The following CCDC7 variants were observed in gnomAD, a reference collection of about 807,000 sequenced individuals.
CCDC7 encodes the protein coiled-coil domain-containing protein 7.
In CCDC7, 183 loss-of-function variants were observed where a neutral mutation model predicts 196.9. That is an observed-to-expected ratio of 0.93 (90% CI 0.82 to 1.05). The LOEUF is 1.05. Among genes scored for constraint, CCDC7 ranks in the 50% least tolerant of loss-of-function variants. The probability of loss-of-function intolerance (pLI) is 0.00; values close to 1 mark genes in which losing one functional copy is unlikely to be tolerated. For synonymous variants in CCDC7, 525 were observed against 484.6 expected, an observed-to-expected ratio of 1.08 and a Z score of -1.10; for missense variants, 1,540 against 1,482.2, an observed-to-expected ratio of 1.04 and a Z score of -0.64.
chr10:32,461,737 A>ATGTG (rs1276818197), intron 3 of CCDC7, among the ~76,000 whole-genome samples: 4 of 69,488 alleles, frequency 5.8e-5, no homozygotes, highest in African/African-American at 2.4e-4. Context: ...ATATGTATAT[A>ATGTG]TATATATATA....
At position 32,472,488 on chromosome 10, in the gene CCDC7, GA is replaced by G; in HGVS notation, c.689del (p.Asn230IlefsTer6). The G allele has an allele frequency of 6.3e-7, 1 of 1,582,434 alleles. No individual in the cohort carries two copies. ...TTTATCGAACTTTAACAGGGATAAA[GA>G]AAATCGACCAGAAGCAGTGAAAAGT... is the stretch of plus-strand genomic sequence containing the variant. On this transcript the variant is annotated frameshift_variant, in exon 7 of 42. Transcript: ENST00000639629. LOFTEE classifies it high-confidence loss of function.
At chr10:32,593,165 AC>A (rs1239115835) in intron 18 of CCDC7, among the ~76,000 whole-genome samples, 1 of 152,216 alleles carries the variant, frequency 6.6e-6, no homozygotes, top group African/African-American at 2.4e-5. Context: ...AGTCCCACCA[AC>A]AGTGTAAAAG....
At chr10:32,547,608 A>T (rs1234496224) in intron 13 of CCDC7, among the ~76,000 whole-genome samples, 1 of 152,048 alleles carries the variant, frequency 6.6e-6, no homozygotes, top group African/African-American at 2.4e-5. Flanking sequence ...ATTTATTTTT[A>T]TTTCTGTGGG....
At chr10:32,471,446 G>A (rs1170565230) in intron 6 of CCDC7, among the ~76,000 whole-genome samples, 1 of 152,120 alleles carries the variant, frequency 6.6e-6, no homozygotes, top group Non-Finnish European at 1.5e-5. Flanking sequence ...ATTCAATGTA[G>A]AAAATCAGTT....
rs541051346 is a variant in CCDC7, at chr10:32,543,249, A to G, written c.994-51A>G. ...AATGTATATTATCATATCTTTCTATAACTTATTGTGTTTTTAACCCTTTAT... is the reference window on the plus strand; with the variant it reads ...AATGTATATTATCATATCTTTCTATGACTTATTGTGTTTTTAACCCTTTAT... On this transcript the variant is annotated intron_variant, in intron 11 of 41. Coordinates refer to ENST00000639629, the Ensembl canonical transcript of CCDC7. 1.7e-4 allele frequency: 215 copies of G among 1,295,828 alleles called. No homozygotes were observed. In the South Asian group the frequency reaches 2.7e-3, roughly 16 times the overall value. The allele number at this position is 1,295,828 out of a possible 1,614,324, so 80.3% of individuals were successfully genotyped here.
chr10:32,469,947 A>G (rs959008553), intron 5 of CCDC7, among the ~76,000 whole-genome samples: 5 of 152,170 alleles, frequency 3.3e-5, no homozygotes, highest in Admixed American at 1.3e-4. Flanking sequence ...TTGAGATGAG[A>G]TGCAGTAAAT....
At chr10:32,622,828 AG>A (rs5784299) in intron 18 of CCDC7, among the ~76,000 whole-genome samples, 15,962 of 152,146 alleles carry the variant, frequency 0.1, 1,041 homozygotes, top group South Asian at 0.25. Context: ...AAACTGTTAC[AG>A]GGTTAGCAAT....
chr10:32,817,975 C>T (rs1207102931), intron 31 of CCDC7, among the ~76,000 whole-genome samples: 8 of 152,078 alleles, frequency 5.3e-5, no homozygotes, highest in Admixed American at 2.6e-4. Context: ...ATGATCAAAT[C>T]CACACATAAC....
intron 25 of CCDC7, among the ~76,000 whole-genome samples, chr10:32,721,207 A>G (rs375379954): frequency 6.6e-6 from 1 of 152,208 alleles, no homozygotes; most frequent in South Asian, 2.1e-4. Context: ...ACACTATTTT[A>G]TGGCTATGAG....
At chr10:32,845,360 T>C (rs1422610270) in intron 34 of CCDC7, 34 bp downstream of exon 35, 14 of 1,442,236 alleles carry the variant, frequency 9.7e-6, no homozygotes, top group Non-Finnish European at 1.3e-5. Flanking sequence ...CTAATATTTA[T>C]GGCTGATTGA....
At chr10:32,482,771 A>G (rs2040228280) in intron 8 of CCDC7, among the ~76,000 whole-genome samples, 1 of 151,922 alleles carries the variant, frequency 6.6e-6, no homozygotes, top group South Asian at 2.1e-4. Context: ...TCCTTGCGAT[A>G]GTTTGCTGAG....
chr10:32,820,012 G>GAGGA (rs1338850239), intron 31 of CCDC7, among the ~76,000 whole-genome samples: 1 of 152,196 alleles, frequency 6.6e-6, no homozygotes, highest in Non-Finnish European at 1.5e-5. Flanking sequence ...ATTAGGAAAA[G>GAGGA]AGGAAGTCAC....
intron 20 of CCDC7, among the ~76,000 whole-genome samples, chr10:32,639,844 C>T (rs1192158413): frequency 6.6e-6 from 1 of 152,028 alleles, no homozygotes; most frequent in Non-Finnish European, 1.5e-5. Context: ...GTCTCGATCT[C>T]CTGACCTCGT....
intron 25 of CCDC7, among the ~76,000 whole-genome samples, chr10:32,714,202 G>T (rs577086835): frequency 1.3e-5 from 2 of 152,118 alleles, no homozygotes; most frequent in Non-Finnish European, 2.9e-5. Flanking sequence ...TGAGGTACTC[G>T]GTTCGTCTCA....
chr10:32,586,755 C>T (rs994677977), intron 18 of CCDC7, among the ~76,000 whole-genome samples: 6 of 152,104 alleles, frequency 3.9e-5, no homozygotes, highest in Non-Finnish European at 7.4e-5. Flanking sequence ...GGTACCAGTA[C>T]CAAGCTGTTT....
intron 41 of CCDC7, among the ~76,000 whole-genome samples, chr10:32,874,718 A>C (rs2094544880): frequency 6.7e-6 from 1 of 149,284 alleles, no homozygotes. Context: ...TATATAAATA[A>C]AACTTTTATA....
intron 8 of CCDC7, among the ~76,000 whole-genome samples, chr10:32,481,368 G>A (rs2039931670): frequency 6.6e-6 from 1 of 152,028 alleles, no homozygotes; most frequent in Non-Finnish European, 1.5e-5. Context: ...CTGTTTTGTA[G>A]ATCCTTTGTT....
chr10:32,563,220 C>T (rs1265032037), intron 13 of CCDC7, among the ~76,000 whole-genome samples: 1 of 152,106 alleles, frequency 6.6e-6, no homozygotes, highest in Non-Finnish European at 1.5e-5. Flanking sequence ...AATGGCCATA[C>T]TGCCCAAGGT....
chr10:32,550,071 T>C lies in CCDC7; in HGVS notation c.1134+5770T>C, dbSNP rs2053208922. ...CATGGGATGTGTTTCCATATGTTTG[T>C]GTCATCTATGATTTATTTCAGCAAT... On this transcript the variant is annotated intron_variant, in intron 13 of 41. Coordinates refer to ENST00000639629, the Ensembl canonical transcript of CCDC7. Among the ~76,000 whole-genome samples the C allele has an allele frequency of 2.6e-5, 4 of 152,306 alleles. No individual in the cohort carries two copies. In the South Asian group the frequency reaches 8.3e-4, roughly 32 times the overall value.
Sources: allele counts gnomAD v4.1 joint callset (sites outside exome capture counted in the v4.1 genomes callset), GRCh38; gene constraint gnomAD v4.1.1; transcripts MANE v1.5; gene names NCBI Gene and HGNC (gene_info 2026-07-23, HGNC 2026-07-21).